Variants in MSANTD7 observed in about 807,000 individuals in gnomAD.
MSANTD7 encodes zinc finger and SCAN domain containing 29.
the MSANTD7 span, chr10:14,840,082 G>A: frequency 7.1e-7 from 1 of 1,402,988 alleles, no homozygotes; most frequent in Non-Finnish European, 9.5e-7. Flanking sequence ...CAGATTGTTG[G>A]ATTGGCAGCA....
chr10:14,842,526 C>T, the MSANTD7 span: 1 of 1,536,152 alleles, frequency 6.5e-7, no homozygotes, highest in South Asian at 1.2e-5. The surrounding 1 kb of genome is among the most constrained non-coding windows in gnomAD (Gnocchi z 5.2). Context: ...GTTGCCCATG[C>T]CACAAGTATG....
At chr10:14,846,235 G>A in the MSANTD7 span, 1 of 985,166 alleles carries the variant, frequency 1.0e-6, no homozygotes, top group Non-Finnish European at 1.2e-6. Flanking sequence ...AGGTAGGTAG[G>A]TAGGTAGGTA....
chr10:14,842,692 C>G, the MSANTD7 span: 4 of 1,536,306 alleles, frequency 2.6e-6, no homozygotes, highest in Admixed American at 7.8e-5. The surrounding 1 kb of genome is among the most constrained non-coding windows in gnomAD (Gnocchi z 5.2). Flanking sequence ...AAGAGGGAAC[C>G]GGCATTCTAA....
chr10:14,846,755 G>C, the MSANTD7 span: 6,401 of 985,420 alleles, frequency 6.5e-3, 24 homozygotes, highest in Non-Finnish European at 7.2e-3. Flanking sequence ...GTAGGGGAAA[G>C]ACTCTGGAGC....
At chr10:14,840,264 C>G in the MSANTD7 span, 1 of 452,226 alleles carries the variant, frequency 2.2e-6, no homozygotes, top group Non-Finnish European at 3.7e-6. Context: ...TTCTTCATTG[C>G]TTTTTATGAC....
chr10:14,843,898 C>A, the MSANTD7 span: 1 of 1,536,168 alleles, frequency 6.5e-7, no homozygotes, highest in South Asian at 1.2e-5. Flanking sequence ...AAGCTAGGAA[C>A]CAATTACAAA....
chr10:14,843,449 C>T, the MSANTD7 span: 32 of 1,550,600 alleles, frequency 2.1e-5, no homozygotes, highest in Non-Finnish European at 2.8e-5. Flanking sequence ...CAGAGCAGCC[C>T]CATGGCCAGA....
the MSANTD7 span, chr10:14,845,099 G>A: frequency 4.0e-4 from 398 of 985,444 alleles, no homozygotes; most frequent in South Asian, 2.0e-3. Context: ...AGCACTAGCC[G>A]TGAACAGATG....
chr10:14,843,929 G>A, the MSANTD7 span: 3 of 1,533,270 alleles, frequency 2.0e-6, no homozygotes, highest in Non-Finnish European at 2.6e-6. Context: ...TCCTAAACTG[G>A]TAGAAGTCTA....
At chr10:14,846,958 G>A in the MSANTD7 span, 25 of 985,280 alleles carry the variant, frequency 2.5e-5, 1 homozygote, top group South Asian at 8.0e-4. Context: ...TTTTCTGTTC[G>A]GTAATCCTGG....
At chr10:14,839,929 A>G in the MSANTD7 span, 1 of 1,613,144 alleles carries the variant, frequency 6.2e-7, no homozygotes, top group Non-Finnish European at 8.5e-7. Flanking sequence ...TGTGGTTGCA[A>G]ATGATGCCGG....
At chr10:14,843,233 G>T in the MSANTD7 span, 5 of 1,073,194 alleles carry the variant, frequency 4.7e-6, no homozygotes, top group African/African-American at 1.6e-5. Flanking sequence ...TAAGGAAATG[G>T]ATTCTTCCCA....
the MSANTD7 span, chr10:14,846,318 A>C: frequency 2.0e-6 from 2 of 985,336 alleles, no homozygotes; most frequent in African/African-American, 1.7e-5. Flanking sequence ...ATGGTAGCAA[A>C]GTGCATAAGA....
the MSANTD7 span, chr10:14,844,925 C>G: frequency 1.0e-6 from 1 of 985,226 alleles, no homozygotes; most frequent in Admixed American, 6.1e-5. Flanking sequence ...GAAACGTTTC[C>G]TTTTGAGGAG....
chr10:14,841,174 T>C, the MSANTD7 span: 4 of 152,344 alleles, frequency 2.6e-5, no homozygotes, highest in African/African-American at 9.6e-5. Context: ...AGGATACTTA[T>C]GCACTAAGCC....
At chr10:14,840,732 A>G in the MSANTD7 span, among the ~76,000 whole-genome samples, 2 of 152,230 alleles carry the variant, frequency 1.3e-5, no homozygotes, top group Non-Finnish European at 2.9e-5. Flanking sequence ...TGTCTCCTCA[A>G]ATTATAGATT....
At chr10:14,840,187 G>C in the MSANTD7 span, 1 of 1,069,248 alleles carries the variant, frequency 9.4e-7, no homozygotes, top group Non-Finnish European at 1.3e-6. Flanking sequence ...TTTTAAATAT[G>C]GTAATAGGAA....
the MSANTD7 span, chr10:14,845,553 A>G: frequency 3.8e-5 from 37 of 983,144 alleles, no homozygotes; most frequent in African/African-American, 5.2e-4. Context: ...ATCCTGTCAC[A>G]GTTTGTTTCA....
At chr10:14,843,847 G>A in the MSANTD7 span, 2 of 1,536,368 alleles carry the variant, frequency 1.3e-6, no homozygotes, top group East Asian at 4.9e-5. Context: ...TTTTCAGCTA[G>A]GCCTTGAAAA....
Sources: gnomAD v4.1 joint callset for allele counts (sites outside exome capture counted in the v4.1 genomes callset) on GRCh38, gnomAD v4.1.1 for gene constraint, Gnocchi (gnomAD v3.1) non-coding constraint, MANE v1.5 for transcripts, NCBI Gene and HGNC (gene_info 2026-07-23, HGNC 2026-07-21) for gene names.